Variants in DNAJC1 observed in about 807,000 individuals in gnomAD.
DNAJC1 encodes DnaJ heat shock protein family (Hsp40) member C1.
Under a neutral mutation model 76.6 loss-of-function variants are expected in DNAJC1, and 58 were observed. The ratio of observed to expected loss-of-function variants is 0.76; its 90% CI spans 0.61 to 0.94. The LOEUF is 0.94. Ranked by LOEUF, DNAJC1 falls within the 40% of genes least tolerant of loss-of-function variation. The pLI is 0.00. For synonymous variants in DNAJC1, 258 were observed against 267.9 expected (o/e 0.96, Z 0.36); for missense variants, 689 against 677.3 (o/e 1.02, Z -0.19).
In DNAJC1 at chr10:22,003,399, A is replaced by G; in HGVS notation, c.36T>C (p.Pro12=). 1 of 1,376,600 alleles carries G rather than the reference A, an allele frequency of 7.3e-7. No homozygotes were observed. The allele number at this position is 1,376,600 out of a possible 1,614,324, so 85.3% of individuals were successfully genotyped here. The change falls in exon 1 of 12, where the codon CCT becomes CCC. Residue 12 remains proline (P), a synonymous_variant. Coordinates refer to ENST00000376980, the MANE Select transcript of DNAJC1 (RefSeq NM_022365.4). ...TAPCSQPAQL[P]GRRQLGLVPF... ...GCACCAGCCCGAGCTGGCGGCGTCC[A>G]GGAAGCTGCGCCGGCTGGGAGCAAG...
chr10:21,907,206 C>A (rs912752129), intron 6 of DNAJC1, among the ~76,000 whole-genome samples: 5 of 152,188 alleles, frequency 3.3e-5, no homozygotes, highest in Admixed American at 3.3e-4. Flanking sequence ...ATCACCCTAA[C>A]CTACTCTACT....
chr10:21,794,114 A>C (rs988137199), intron 9 of DNAJC1, among the ~76,000 whole-genome samples: 1 of 152,078 alleles, frequency 6.6e-6, no homozygotes, highest in Admixed American at 6.6e-5. Flanking sequence ...ATCTTCACAC[A>C]AAAAAACTAG....
rs145428557 is a variant in DNAJC1 at position 21,833,800 on chromosome 10, T to C, written c.979-27701A>G. ...CCACTCACACTCTTCCACCAGCAGA[T>C]AGATGGCAACTGTTTTTTATTAAAA... is the stretch of plus-strand genomic sequence containing the variant. On this transcript the variant is annotated intron_variant, in intron 8 of 11. Coordinates refer to ENST00000376980, the MANE Select transcript of DNAJC1 (RefSeq NM_022365.4). Among the ~76,000 whole-genome samples the C allele has an allele frequency of 2.4e-4, 36 of 152,286 alleles. No homozygotes were observed. In the East Asian group the frequency reaches 6.6e-3, roughly 28 times the overall value.
chr10:21,863,212 A>C (rs1274675083), intron 8 of DNAJC1, among the ~76,000 whole-genome samples: 1 of 152,080 alleles, frequency 6.6e-6, no homozygotes, highest in African/African-American at 2.4e-5. Flanking sequence ...TGACACACAA[A>C]ACTGAAAAAA....
At chr10:21,972,836 T>C (rs1838001816) in intron 1 of DNAJC1, among the ~76,000 whole-genome samples, 1 of 151,976 alleles carries the variant, frequency 6.6e-6, no homozygotes, top group Admixed American at 6.6e-5. Context: ...AAACTGAAAA[T>C]AGGGTATTTC....
At chr10:21,809,274 GT>G (rs1441856883) in intron 8 of DNAJC1, among the ~76,000 whole-genome samples, 1 of 151,706 alleles carries the variant, frequency 6.6e-6, no homozygotes, top group African/African-American at 2.4e-5. Context: ...TAATGTACTT[GT>G]TTATTGTATT....
intron 1 of DNAJC1, among the ~76,000 whole-genome samples, chr10:21,996,611 C>T (rs1322172414): frequency 1.3e-5 from 2 of 152,112 alleles, no homozygotes; most frequent in Non-Finnish European, 2.9e-5. Context: ...AGGCTATTGT[C>T]TATGAATAAC....
chr10:21,758,789 G>A (rs1312906437), intron 11 of DNAJC1, among the ~76,000 whole-genome samples: 1 of 152,242 alleles, frequency 6.6e-6, no homozygotes. Context: ...GTTCAAAGGA[G>A]CTTTCCATCC....
intron 6 of DNAJC1, among the ~76,000 whole-genome samples, chr10:21,907,590 A>G (rs1836767566): frequency 6.6e-6 from 1 of 152,092 alleles, no homozygotes; most frequent in Non-Finnish European, 1.5e-5. Context: ...ATAACTTCAT[A>G]ACTACCATAC....
At chr10:21,881,844 TAAAAAA>T (rs1002377641) in intron 8 of DNAJC1, among the ~76,000 whole-genome samples, 1 of 55,414 alleles carries the variant, frequency 1.8e-5, no homozygotes, top group Non-Finnish European at 3.7e-5. Flanking sequence ...CCTCAATTTG[TAAAAAA>T]AAAAAAAAAA....
intron 8 of DNAJC1, among the ~76,000 whole-genome samples, chr10:21,847,573 C>T (rs1835680514): frequency 6.6e-6 from 1 of 152,266 alleles, no homozygotes; most frequent in Non-Finnish European, 1.5e-5. Context: ...GCTAACCAGC[C>T]TCTCTTCATC....
At chr10:21,809,660 C>T (rs1834934269) in intron 8 of DNAJC1, among the ~76,000 whole-genome samples, 1 of 151,596 alleles carries the variant, frequency 6.6e-6, no homozygotes. Context: ...GATTGGATGT[C>T]TAATAATCTA....
rs77800755 is a variant in DNAJC1, at chr10:21,856,511, T to C, written c.978+25771A>G. ...CCAATTCCACTTTCGGTGTTTCACG[T>C]TGATAGCTTGAAATCAGCCACGGTG... On this transcript the variant is annotated intron_variant, in intron 8 of 11. Transcript: ENST00000376980. 8.2e-3 allele frequency among the ~76,000 whole-genome samples: 1,256 copies of C among 152,284 alleles called. 12 individuals carry two copies. Among genetic ancestry groups the C allele is most frequent in the African/African-American group, 0.028 (1,165 of 41,540 alleles).
intron 9 of DNAJC1, among the ~76,000 whole-genome samples, chr10:21,771,821 G>C (rs536946090): frequency 1.3e-5 from 2 of 152,232 alleles, no homozygotes; most frequent in African/African-American, 4.8e-5. Context: ...TGAGATGATC[G>C]TGTGATACTG....
intron 1 of DNAJC1, among the ~76,000 whole-genome samples, chr10:21,930,266 C>T (rs927116808): frequency 5.9e-5 from 9 of 152,162 alleles, no homozygotes; most frequent in African/African-American, 2.2e-4. Flanking sequence ...TGAGCCACCG[C>T]GCCTGGCTGG....
At chr10:21,906,424 T>G (rs1178074905) in intron 6 of DNAJC1, among the ~76,000 whole-genome samples, 1 of 152,178 alleles carries the variant, frequency 6.6e-6, no homozygotes, top group East Asian at 1.9e-4. Context: ...CATTTATACC[T>G]TGGTGTGAAT....
At chr10:21,775,558 T>G (rs1280348540) in intron 9 of DNAJC1, among the ~76,000 whole-genome samples, 2 of 152,096 alleles carry the variant, frequency 1.3e-5, no homozygotes, top group African/African-American at 4.8e-5. Flanking sequence ...GTAAGTCACT[T>G]TGGGGAAGTA....
Position 21,816,880 on chromosome 10 carries a change from C to T in DNAJC1, c.979-10781G>A, listed in dbSNP as rs540668915. On this transcript the variant is annotated intron_variant, in intron 8 of 11. Coordinates refer to ENST00000376980, the MANE Select transcript of DNAJC1 (RefSeq NM_022365.4). ...CTCTTAAAAAAAAAAAAATGCCGGGCGCGGTGGCTCACGCCTGTAACCCCA... is the reference window on the plus strand; with the variant it reads ...CTCTTAAAAAAAAAAAAATGCCGGGTGCGGTGGCTCACGCCTGTAACCCCA... 5.7e-5 allele frequency among the ~76,000 whole-genome samples: 8 copies of T among 141,086 alleles called. No individual in the cohort carries two copies. The South Asian group carries it at 1.2e-3, about 21-fold the overall frequency. 92.6% of individuals were successfully genotyped at this position (141,086 alleles called of 152,430 possible). A position where few individuals can be genotyped will look rare whatever the true frequency, so the allele number is the denominator to read the frequency against.
chr10:21,835,451 C>A (rs1297892039), intron 8 of DNAJC1, among the ~76,000 whole-genome samples: 1 of 152,170 alleles, frequency 6.6e-6, no homozygotes, highest in South Asian at 2.1e-4. Context: ...CAGCTCCTCA[C>A]CAGCAAGGGA....
Sources: gnomAD v4.1 joint callset for allele counts (sites outside exome capture counted in the v4.1 genomes callset) on GRCh38, gnomAD v4.1.1 for gene constraint, MANE v1.5 for transcripts, NCBI Gene and HGNC (gene_info 2026-07-23, HGNC 2026-07-21) for gene names.